Variants in RNF121 observed in about 807,000 individuals in gnomAD.
RNF121 encodes the protein ring finger protein 121.
Under a neutral mutation model 46.5 loss-of-function variants are expected in RNF121, and 21 were observed. The ratio of observed to expected loss-of-function variants is 0.45; its 90% CI spans 0.32 to 0.65. The LOEUF (loss-of-function observed/expected upper bound fraction) is 0.65. RNF121 is among the 30% of genes least tolerant of loss of function. The pLI is 0.04. For missense variants in RNF121, 346 were observed against 416.0 expected (o/e 0.83, Z 1.46); for synonymous variants, 139 against 144.7 (o/e 0.96, Z 0.28).
chr11:71,993,175 G>A (rs963807756), intron 6 of RNF121, among the ~76,000 whole-genome samples: 4 of 152,118 alleles, frequency 2.6e-5, no homozygotes, highest in African/African-American at 9.7e-5. Flanking sequence ...TTACCTATTT[G>A]TGTAGACATT....
intron 3 of RNF121, among the ~76,000 whole-genome samples, chr11:71,981,113 A>G (rs373049753): frequency 2.0e-5 from 3 of 150,448 alleles, no homozygotes; most frequent in East Asian, 3.9e-4. Context: ...CAGTGGTGTG[A>G]TCTCGGCTCC....
chr11:71,966,182 G>A (rs1954271887), intron 3 of RNF121, among the ~76,000 whole-genome samples: 1 of 152,120 alleles, frequency 6.6e-6, no homozygotes, highest in South Asian at 2.1e-4. Flanking sequence ...ACCATGCCCA[G>A]CTAATTTTGT....
chr11:71,932,438 C>G (rs1377498479), intron 1 of RNF121, among the ~76,000 whole-genome samples: 1 of 152,222 alleles, frequency 6.6e-6, no homozygotes, highest in African/African-American at 2.4e-5. Flanking sequence ...ATACTGAGCA[C>G]CTGGGTTCCA....
chr11:71,936,082 T>G (rs895802206), intron 1 of RNF121, among the ~76,000 whole-genome samples: 13 of 151,886 alleles, frequency 8.6e-5, no homozygotes, highest in African/African-American at 2.9e-4. Flanking sequence ...CTCCTGACTT[T>G]GTGATCTGCC....
At chr11:71,948,198 T>C (rs1468576331) in intron 1 of RNF121, among the ~76,000 whole-genome samples, 1 of 152,080 alleles carries the variant, frequency 6.6e-6, no homozygotes, top group East Asian at 1.9e-4. Context: ...ACTTAGTTGC[T>C]CCCAAATTTG....
At chr11:71,991,552 G>A (rs1954863492) in intron 6 of RNF121, among the ~76,000 whole-genome samples, 1 of 152,196 alleles carries the variant, frequency 6.6e-6, no homozygotes, top group South Asian at 2.1e-4. Flanking sequence ...AACACATGTA[G>A]TAGTGTCATT....
chr11:71,960,546 G>GT (rs1954105824), intron 2 of RNF121, among the ~76,000 whole-genome samples: 1 of 152,092 alleles, frequency 6.6e-6, no homozygotes, highest in Admixed American at 6.5e-5. Flanking sequence ...CTTGGTTGCT[G>GT]GGGGGTCCGT....
chr11:71,942,803 TACACACACAC>T (rs141356177), intron 1 of RNF121, among the ~76,000 whole-genome samples: 1 of 147,530 alleles, frequency 6.8e-6, no homozygotes, highest in Admixed American at 6.8e-5. Flanking sequence ...TATATATATG[TACACACACAC>T]ACACACACAC....
chr11:71,994,763 T>C lies in RNF121; in HGVS notation c.672T>C (p.Ser224=), dbSNP rs1488486379. 6.2e-7 allele frequency: 1 copy of C among 1,614,094 alleles called. No homozygotes were observed. Among genetic ancestry groups the C allele is most frequent in the South Asian group, 1.1e-5 (1 of 91,074 alleles). Residue 224 remains serine (S), a synonymous_variant, in exon 7 of 9, where the codon AGT becomes AGC. Coordinates refer to ENST00000361756, the MANE Select transcript of RNF121 (RefSeq NM_018320.5). Reference sequence around the variant, plus strand: ...TGCCTACCAAACATCTTTCAGACAGTGTGTGTGCTGTGTGTGGGCAGCAGA... The same window carrying C: ...TGCCTACCAAACATCTTTCAGACAGCGTGTGTGCTGTGTGTGGGCAGCAGA... The part of the protein sequence containing the change: ...SGMPTKHLSD[S]VCAVCGQQIF...
At chr11:71,977,683 C>T (rs564183457) in intron 3 of RNF121, among the ~76,000 whole-genome samples, 1 of 152,366 alleles carries the variant, frequency 6.6e-6, no homozygotes, top group East Asian at 1.9e-4. Flanking sequence ...CTCCTTCTAC[C>T]TGGCCAAACC....
chr11:71,982,705 G>A (rs1193591019), intron 3 of RNF121, 56 bp from the exon 4 acceptor site: 8 of 1,532,328 alleles, frequency 5.2e-6, no homozygotes, highest in Non-Finnish European at 6.1e-6. Context: ...TTGGGACTGT[G>A]GACAGAGCTG....
intron 3 of RNF121, chr11:71,962,185 G>T (rs1315817975): frequency 5.1e-6 from 1 of 194,974 alleles, no homozygotes; most frequent in Non-Finnish European, 9.3e-6. Flanking sequence ...AGCCAGGATG[G>T]TCTCGATCTC....
chr11:71,987,522 G>C (rs1487586869), intron 5 of RNF121, among the ~76,000 whole-genome samples: 1 of 152,186 alleles, frequency 6.6e-6, no homozygotes, highest in African/African-American at 2.4e-5. Context: ...TTGGCAAACT[G>C]TGCCCTCTGT....
intron 1 of RNF121, among the ~76,000 whole-genome samples, chr11:71,942,785 T>TAG (rs1554985364): frequency 1.1e-4 from 1 of 9,354 alleles, no homozygotes; most frequent in Non-Finnish European, 1.0e-3. Context: ...TATATATATA[T>TAG]ATATAGATAT....
At chr11:71,965,834 G>A (rs972389069) in intron 3 of RNF121, among the ~76,000 whole-genome samples, 1 of 152,176 alleles carries the variant, frequency 6.6e-6, no homozygotes, top group Non-Finnish European at 1.5e-5. Flanking sequence ...TAACAGAGCT[G>A]TTACCCAGTG....
At chr11:71,981,152 C>A (rs969803547) in intron 3 of RNF121, among the ~76,000 whole-genome samples, 1 of 151,856 alleles carries the variant, frequency 6.6e-6, no homozygotes, top group South Asian at 2.1e-4. Flanking sequence ...GGGTTCACAC[C>A]ATTCTCCTGC....
chr11:71,985,327 A>G (rs1954751640), intron 4 of RNF121, among the ~76,000 whole-genome samples: 1 of 152,320 alleles, frequency 6.6e-6, no homozygotes, highest in East Asian at 1.9e-4. Context: ...TAAAAAAGGT[A>G]GCAGGGTTTT....
chr11:71,966,203 G>C, intron 3 of RNF121, among the ~76,000 whole-genome samples: 1 of 152,012 alleles, frequency 6.6e-6, no homozygotes, highest in East Asian at 1.9e-4. Context: ...ATTTTTAGTA[G>C]AGACAGGGTT....
chr11:71,939,857 T>C (rs142530124), intron 1 of RNF121, among the ~76,000 whole-genome samples: 1 of 152,334 alleles, frequency 6.6e-6, no homozygotes, highest in East Asian at 1.9e-4. Flanking sequence ...AAAGAGACTA[T>C]CTCTGCTCTA....
Sources: allele counts gnomAD v4.1 joint callset (sites outside exome capture counted in the v4.1 genomes callset), GRCh38; gene constraint gnomAD v4.1.1; transcripts MANE v1.5; gene names NCBI Gene and HGNC (gene_info 2026-07-23, HGNC 2026-07-21).